The following CDH22 variants were observed in gnomAD, a reference collection of about 807,000 sequenced individuals.
CDH22 encodes the protein cadherin-22.
Under a neutral mutation model 58.4 loss-of-function variants are expected in CDH22, and 30 were observed. The observed-to-expected ratio is 0.51, with a 90% CI of 0.38 to 0.70. The LOEUF (loss-of-function observed/expected upper bound fraction) is 0.70. Ranked by LOEUF, CDH22 falls within the 30% of genes least tolerant of loss-of-function variation. The pLI is 0.00. For missense variants in CDH22, 1,014 were observed against 1,233.9 expected, an observed-to-expected ratio of 0.82 and a Z score of 2.67; for synonymous variants, 513 against 558.2, an observed-to-expected ratio of 0.92 and a Z score of 1.14.
At position 46,217,006 on chromosome 20, in the gene CDH22, G is replaced by T. The variant is rs761923682; in HGVS notation, c.671-13C>A. The T allele has an allele frequency of 6.9e-5, 109 of 1,580,584 alleles. 1 individual carries two copies. The Admixed American group carries it at 1.8e-3, about 27-fold the overall frequency. On this transcript the variant is annotated splice_polypyrimidine_tract_variant and intron_variant, in intron 4 of 11. Coordinates refer to ENST00000537909, the MANE Select transcript of CDH22 (RefSeq NM_021248.3). ...GTCCGGATTACGCCTGTGGGTGAGTGAGGGTGAGGCCAGGGCACCCCACAC... is the reference window on the plus strand; with the variant it reads ...GTCCGGATTACGCCTGTGGGTGAGTTAGGGTGAGGCCAGGGCACCCCACAC...
At chr20:46,278,273 A>G (rs1334257951) in intron 1 of CDH22, among the ~76,000 whole-genome samples, 1 of 152,208 alleles carries the variant, frequency 6.6e-6, no homozygotes, top group East Asian at 1.9e-4. Flanking sequence ...CAGGCCCTTC[A>G]GCTGGCCTCA....
chr20:46,245,321 G>A (rs183444342), intron 2 of CDH22, among the ~76,000 whole-genome samples: 1 of 152,252 alleles, frequency 6.6e-6, no homozygotes, highest in East Asian at 1.9e-4. Flanking sequence ...TTTGGTTGAA[G>A]AGACCTCACC....
chr20:46,238,026 G>T (rs2086266026), intron 3 of CDH22, among the ~76,000 whole-genome samples: 1 of 152,172 alleles, frequency 6.6e-6, no homozygotes, highest in South Asian at 2.1e-4. Flanking sequence ...TGGTGGAGAT[G>T]AGGCTGCTCT....
In CDH22 at chr20:46,174,311, T is replaced by G. The variant is rs2085717871; in HGVS notation, c.*195A>C. On this transcript the variant is annotated 3_prime_UTR_variant, in exon 12 of 12. Coordinates refer to ENST00000537909, the MANE Select transcript of CDH22 (RefSeq NM_021248.3). The surrounding 1 kb of genome is among the most constrained non-coding windows in gnomAD (Gnocchi z 4.4). ...ATGCCGTTGGTCAGAATCCCGCACC[T>G]CTGGGCTCCAAAGCTGCACCCCTAG... 1.9e-6 allele frequency: 1 copy of G among 518,516 alleles called. No homozygotes were observed. Among genetic ancestry groups the G allele is most frequent in the Non-Finnish European group, 3.3e-6 (1 of 298,828 alleles). 32.1% of individuals were successfully genotyped at this position (518,516 alleles called of 1,614,324 possible). A position where few individuals can be genotyped will look rare whatever the true frequency, so the allele number is the denominator to read the frequency against.
intron 1 of CDH22, among the ~76,000 whole-genome samples, chr20:46,263,374 A>G (rs539347156): frequency 6.6e-6 from 1 of 151,806 alleles, no homozygotes; most frequent in Non-Finnish European, 1.5e-5. Context: ...TTAGAAAGTC[A>G]GACAAAGTCC....
chr20:46,181,697 CTTTT>C (rs2085785563), intron 10 of CDH22, among the ~76,000 whole-genome samples: 1 of 111,964 alleles, frequency 8.9e-6, no homozygotes, highest in South Asian at 3.1e-4. Context: ...TCTTTCTTTT[CTTTT>C]CTTTTCTTTC....
At chr20:46,260,847 T>A (rs574103042) in intron 1 of CDH22, among the ~76,000 whole-genome samples, 1 of 152,338 alleles carries the variant, frequency 6.6e-6, no homozygotes, top group South Asian at 2.1e-4. Context: ...GGGAAGGTAT[T>A]CTTATCCTAC....
chr20:46,199,300 C>T (rs1405554514), intron 8 of CDH22, 123 bp downstream of exon 8: 1 of 1,199,382 alleles, frequency 8.3e-7, no homozygotes, highest in Non-Finnish European at 1.1e-6. Context: ...CCTTTGGCCC[C>T]TCCCCCGTGG....
chr20:46,289,703 G>A (rs1026428237), intron 1 of CDH22, among the ~76,000 whole-genome samples: 9 of 152,212 alleles, frequency 5.9e-5, no homozygotes, highest in Non-Finnish European at 1.2e-4. Context: ...ATATGAGGGA[G>A]GGATTATGGC....
intron 10 of CDH22, among the ~76,000 whole-genome samples, chr20:46,183,018 C>G (rs540596610): frequency 6.6e-6 from 1 of 151,720 alleles, no homozygotes; most frequent in South Asian, 2.1e-4. Flanking sequence ...GTGCCCCCCC[C>G]TCTCCCCCAG....
rs138321260 is a variant in CDH22, at chr20:46,225,368, C to G, written c.670+2140G>C. 1.2e-3 allele frequency among the ~76,000 whole-genome samples: 178 copies of G among 152,220 alleles called. 3 individuals carry two copies. Among genetic ancestry groups the G allele is most frequent in the African/African-American group, 4.2e-3 (173 of 41,510 alleles). On this transcript the variant is annotated intron_variant, in intron 4 of 11. Transcript: ENST00000537909. ...AATAAATTTTAGTGTATCCATAACA[C>G]CCATTAAATAAGAGAAAGAGGAAGC...
At chr20:46,237,562 T>G (rs1303369886) in intron 3 of CDH22, among the ~76,000 whole-genome samples, 5 of 152,174 alleles carry the variant, frequency 3.3e-5, no homozygotes, top group Non-Finnish European at 5.9e-5. Flanking sequence ...TTCAAATAGT[T>G]GCTCAAATGA....
chr20:46,188,415 G>C (rs552736720), intron 8 of CDH22, among the ~76,000 whole-genome samples: 3 of 152,072 alleles, frequency 2.0e-5, no homozygotes, highest in South Asian at 2.1e-4. Flanking sequence ...TATGCCTAGC[G>C]TTCCATTATT....
chr20:46,260,762 T>G (rs2086429418), intron 1 of CDH22, among the ~76,000 whole-genome samples: 1 of 152,264 alleles, frequency 6.6e-6, no homozygotes, highest in African/African-American at 2.4e-5. Flanking sequence ...GCTGTATGAC[T>G]GCCAGCTTGG....
intron 3 of CDH22, among the ~76,000 whole-genome samples, chr20:46,235,899 A>T (rs1423484343): frequency 6.6e-6 from 1 of 152,230 alleles, no homozygotes; most frequent in Non-Finnish European, 1.5e-5. Flanking sequence ...GCTGGATTAG[A>T]TTAAACCTCT....
In CDH22 at chr20:46,184,701, G is replaced by T. The variant is rs73312765; in HGVS notation, c.1663+1887C>A. On this transcript the variant is annotated intron_variant, in intron 10 of 11. Coordinates refer to ENST00000537909, the MANE Select transcript of CDH22 (RefSeq NM_021248.3). ...CTCACTAAATAATTGCTGGATGTAG[G>T]AATTGACATTTCTAGGTATTAACAC... Among the ~76,000 whole-genome samples the T allele has an allele frequency of 5.0e-3, 762 of 152,244 alleles. 11 individuals are homozygous for T. Among genetic ancestry groups the T allele is most frequent in the African/African-American group, 0.017 (708 of 41,514 alleles).
At chr20:46,240,468 T>G (rs1008761023) in intron 3 of CDH22, among the ~76,000 whole-genome samples, 2 of 152,154 alleles carry the variant, frequency 1.3e-5, no homozygotes, top group Non-Finnish European at 2.9e-5. Flanking sequence ...TGCCAAGGGC[T>G]GCGCTGTGTC....
At chr20:46,279,284 A>G (rs1260275787) in intron 1 of CDH22, among the ~76,000 whole-genome samples, 1 of 152,210 alleles carries the variant, frequency 6.6e-6, no homozygotes, top group African/African-American at 2.4e-5. Flanking sequence ...ATGACTCAGG[A>G]GTCAGTGTGA....
At chr20:46,285,161 T>A (rs76698637) in intron 1 of CDH22, among the ~76,000 whole-genome samples, 2 of 152,358 alleles carry the variant, frequency 1.3e-5, no homozygotes, top group African/African-American at 4.8e-5. Flanking sequence ...GACCATCCGG[T>A]CTGTGGACCA....
Sources: allele counts gnomAD v4.1 joint callset (sites outside exome capture counted in the v4.1 genomes callset), GRCh38; gene constraint gnomAD v4.1.1; non-coding constraint Gnocchi (gnomAD v3.1); transcripts MANE v1.5; gene names NCBI Gene and HGNC (gene_info 2026-07-23, HGNC 2026-07-21).